CSMD1: variants seen among roughly 807,000 people sequenced by gnomAD.
CSMD1 encodes the protein CUB and sushi domain-containing protein 1.
A neutral mutation model predicts 417.5 loss-of-function variants in CSMD1; 213 were observed. The ratio of observed to expected loss-of-function variants is 0.51; its 90% CI spans 0.46 to 0.57. The LOEUF (loss-of-function observed/expected upper bound fraction) is 0.57, where lower values mean the gene tolerates loss of function less well. CSMD1 is among the 20% of genes least tolerant of loss of function. CSMD1 has a pLI of 0.00. For missense variants in CSMD1, 6,923 were observed against 4,529.7 expected (o/e 1.53, Z -15.17); for synonymous variants, 2,862 against 1,736.8 (o/e 1.65, Z -16.11).
intron 2 of CSMD1, among the ~76,000 whole-genome samples, chr8:4,574,649 A>T (rs879509720): frequency 1.3e-5 from 2 of 152,198 alleles, no homozygotes; most frequent in Non-Finnish European, 2.9e-5. Context: ...CACTTAAAGA[A>T]TTCTGAATCT....
intron 3 of CSMD1, among the ~76,000 whole-genome samples, chr8:4,125,167 A>G (rs1244437523): frequency 1.3e-5 from 2 of 152,138 alleles, no homozygotes; most frequent in African/African-American, 4.8e-5. Flanking sequence ...CTCAAAAGGA[A>G]GATAACTCTT....
At chr8:4,971,586 C>T (rs1810240322) in intron 1 of CSMD1, among the ~76,000 whole-genome samples, 1 of 151,784 alleles carries the variant, frequency 6.6e-6, no homozygotes. Flanking sequence ...GCTATGTTTA[C>T]CACACATTCA....
At chr8:4,376,707 C>T (rs571522953) in intron 3 of CSMD1, among the ~76,000 whole-genome samples, 44 of 152,278 alleles carry the variant, frequency 2.9e-4, no homozygotes, top group African/African-American at 9.9e-4. Flanking sequence ...TTAATCTTTG[C>T]AAACTGATTG....
chr8:3,244,692 A>G (rs1022968383), intron 26 of CSMD1, among the ~76,000 whole-genome samples: 1 of 152,152 alleles, frequency 6.6e-6, no homozygotes, highest in African/African-American at 2.4e-5. Context: ...GCCCTTTATC[A>G]CCCTGGACGG....
chr8:4,226,073 C>G (rs916843431), intron 3 of CSMD1, among the ~76,000 whole-genome samples: 1 of 87,158 alleles, frequency 1.1e-5, no homozygotes, highest in East Asian at 3.3e-4. Context: ...GGCGGACACA[C>G]ACACACACAC....
intron 7 of CSMD1, among the ~76,000 whole-genome samples, chr8:3,703,097 T>C (rs1307991746): frequency 6.6e-6 from 1 of 152,214 alleles, no homozygotes; most frequent in Non-Finnish European, 1.5e-5. Context: ...AATGACTATC[T>C]TAATATCTTT....
At chr8:4,161,961 T>C (rs1245931475) in intron 3 of CSMD1, among the ~76,000 whole-genome samples, 1 of 152,196 alleles carries the variant, frequency 6.6e-6, no homozygotes, top group Non-Finnish European at 1.5e-5. Flanking sequence ...ACAACATACC[T>C]TTAAAATTAA....
At chr8:3,866,781 C>A (rs1805134497) in intron 5 of CSMD1, among the ~76,000 whole-genome samples, 3 of 152,160 alleles carry the variant, frequency 2.0e-5, no homozygotes, top group African/African-American at 4.8e-5. Context: ...AGGACTCTTT[C>A]CTTCAATAAC....
At chr8:3,359,829 C>T (rs893309373) in intron 20 of CSMD1, among the ~76,000 whole-genome samples, 1 of 152,104 alleles carries the variant, frequency 6.6e-6, no homozygotes. Flanking sequence ...GTCACACATT[C>T]TACTCATGTA....
At chr8:3,758,761 G>A (rs1403814606) in intron 5 of CSMD1, among the ~76,000 whole-genome samples, 1 of 152,194 alleles carries the variant, frequency 6.6e-6, no homozygotes, top group Non-Finnish European at 1.5e-5. Flanking sequence ...GCTCTCTGGA[G>A]ACTGTCAATG....
intron 1 of CSMD1, among the ~76,000 whole-genome samples, chr8:4,830,912 C>T (rs1006796120): frequency 2.6e-5 from 4 of 152,112 alleles, no homozygotes; most frequent in Non-Finnish European, 4.4e-5. Flanking sequence ...AATGAACTTT[C>T]AGTGAACTTC....
chr8:3,824,260 A>C (rs1274399772), intron 5 of CSMD1, among the ~76,000 whole-genome samples: 1 of 152,164 alleles, frequency 6.6e-6, no homozygotes, highest in Admixed American at 6.5e-5. Flanking sequence ...ACCAAAAAAA[A>C]AAAACTGCTG....
chr8:3,753,397 T>G (rs1199899694), intron 6 of CSMD1, among the ~76,000 whole-genome samples: 1 of 152,182 alleles, frequency 6.6e-6, no homozygotes. Context: ...AACATTTCAT[T>G]ACCAAGCTCT....
intron 1 of CSMD1, among the ~76,000 whole-genome samples, chr8:4,803,487 G>T (rs1270918226): frequency 6.6e-6 from 1 of 152,244 alleles, no homozygotes; most frequent in East Asian, 1.9e-4. Flanking sequence ...GAAAGCCCTA[G>T]GTTGGAATCT....
chr8:4,050,085 T>A (rs112126642), intron 3 of CSMD1, among the ~76,000 whole-genome samples: 2 of 152,136 alleles, frequency 1.3e-5, no homozygotes, highest in African/African-American at 4.8e-5. Context: ...TTTCTCACAG[T>A]GCACCAGGTT....
chr8:3,988,360 T>C (rs552726706), intron 5 of CSMD1, among the ~76,000 whole-genome samples: 7 of 152,344 alleles, frequency 4.6e-5, no homozygotes, highest in Non-Finnish European at 8.8e-5. Context: ...GCAATGTTTT[T>C]CAGTTTGGAG....
intron 7 of CSMD1, among the ~76,000 whole-genome samples, chr8:3,680,363 T>G (rs189870079): frequency 7.9e-5 from 12 of 152,078 alleles, no homozygotes; most frequent in Admixed American, 7.9e-4. Context: ...ATATCACCAC[T>G]GATCCCACAG....
chr8:4,629,311 C>T (rs1802362864), intron 2 of CSMD1, among the ~76,000 whole-genome samples: 1 of 152,112 alleles, frequency 6.6e-6, no homozygotes, highest in African/African-American at 2.4e-5. Context: ...TTTCAATATC[C>T]TCAAAAACGC....
intron 3 of CSMD1, among the ~76,000 whole-genome samples, chr8:4,348,441 A>C (rs1286642202): frequency 6.6e-6 from 1 of 152,110 alleles, no homozygotes; most frequent in Non-Finnish European, 1.5e-5. Flanking sequence ...TCAGAATATT[A>C]GGCCTTTCTG....
Sources: allele counts gnomAD v4.1 joint callset (sites outside exome capture counted in the v4.1 genomes callset), GRCh38; gene constraint gnomAD v4.1.1; transcripts MANE v1.5; gene names NCBI Gene and HGNC (gene_info 2026-07-23, HGNC 2026-07-21).